Variants in TNK2 observed in about 807,000 individuals in gnomAD.
TNK2 encodes the protein tyrosine kinase non receptor 2, also known as activated CDC42 kinase 1.
A neutral mutation model predicts 101.8 loss-of-function variants in TNK2; 83 were observed. The observed-to-expected ratio is 0.82, with a 90% CI of 0.68 to 0.98. The LOEUF is 0.98. TNK2 is among the 50% of genes least tolerant of loss of function. TNK2 has a pLI of 0.00. For synonymous variants in TNK2, 804 were observed against 633.0 expected, an observed-to-expected ratio of 1.27 and a Z score of -4.06; for missense variants, 1,665 against 1,483.2, an observed-to-expected ratio of 1.12 and a Z score of -2.01.
At chr3:195,871,438 T>A (rs756293701) in intron 10 of TNK2, among the ~76,000 whole-genome samples, 6 of 151,844 alleles carry the variant, frequency 4.0e-5, no homozygotes, top group Non-Finnish European at 7.4e-5. Context: ...CCTGCATACA[T>A]CCCCAGGGCC....
chr3:195,885,291 A>C lies in TNK2; in HGVS notation c.235-258T>G. 1.6e-6 allele frequency: 2 copies of C among 1,278,276 alleles called. No homozygotes were observed. Among genetic ancestry groups the C allele is most frequent in the South Asian group, 1.5e-5 (1 of 64,612 alleles). The allele number at this position is 1,278,276 out of a possible 1,614,324, so 79.2% of individuals were successfully genotyped here. On this transcript the variant is annotated intron_variant, in intron 3 of 15. Coordinates refer to ENST00000672887, the MANE Select transcript of TNK2 (RefSeq NM_001382273.1). The surrounding 1 kb of genome is among the most constrained non-coding windows in gnomAD (Gnocchi z 4.7). ...CCGACAGGCATGCAGCCTGTGGCTG[A>C]GCGGCCCCACACCCAGCTGTGTGGA...
Position 195,885,003 on chromosome 3 carries a change from A to G in TNK2, c.265T>C (p.Phe89Leu), listed in dbSNP as rs1371845894. The G allele has an allele frequency of 6.2e-7, 1 of 1,607,276 alleles. No homozygotes were observed. ...GTGCTCTGAGAGTGATGAGGTGGGA[A>G]CTCAGCCTCCAGTCGCTTTCCACTG... ...VFSGKRLEAE[F>L]PPHHSQSTFR... is the part of the protein sequence containing the mutation. The change falls in exon 4 of 16, where the codon TTC (phenylalanine) becomes CTC (leucine). Residue 89 changes from phenylalanine (F) to leucine (L), a missense_variant. By Grantham distance (22) the Phe-to-Leu change is conservative. Transcript: ENST00000672887. The surrounding 1 kb of genome is among the most constrained non-coding windows in gnomAD (Gnocchi z 4.7).
intron 1 of TNK2, chr3:195,895,477 CGGCG>C: frequency 1.5e-6 from 2 of 1,369,882 alleles, no homozygotes; most frequent in Non-Finnish European, 1.9e-6. Flanking sequence ...CGCCATCGGC[CGGCG>C]GCCGGGTGGT....
rs555042125 is a variant in TNK2, at chr3:195,895,999, C to T, written c.-18-7393G>A. The T allele has an allele frequency of 1.9e-5, 7 of 367,154 alleles. No individual in the cohort carries two copies. In the East Asian group the frequency reaches 1.0e-3, roughly 54 times the overall value. 22.7% of individuals were successfully genotyped at this position (367,154 alleles called of 1,614,324 possible). On this transcript the variant is annotated intron_variant, in intron 1 of 15. Transcript: ENST00000672887. ...GCCCCGAGGCCCCCGCGGCCGGTTC[C>T]CCGCGCGCCACTCCCGCAACGCCGC...
Position 195,869,340 on chromosome 3 carries a change from G to T in TNK2, c.1588+157C>A, listed in dbSNP as rs932519286. ...GCTCCGGGGGGCGGGCTCGAGGGGG[G>T]GCAGGCATGCTAGGCCAGGGCAGCC... On this transcript the variant is annotated intron_variant, in intron 12 of 15. Coordinates refer to ENST00000672887, the MANE Select transcript of TNK2 (RefSeq NM_001382273.1). 5 of 778,120 alleles carry T rather than the reference G, an allele frequency of 6.4e-6. No homozygotes were observed. The East Asian group carries it at 1.1e-4, about 17-fold the overall frequency. 48.2% of individuals were successfully genotyped at this position (778,120 alleles called of 1,614,324 possible). A position where few individuals can be genotyped will look rare whatever the true frequency, so the allele number is the denominator to read the frequency against.
intron 1 of TNK2, among the ~76,000 whole-genome samples, chr3:195,889,430 C>T (rs1757457060): frequency 6.6e-6 from 1 of 152,208 alleles, no homozygotes; most frequent in African/African-American, 2.4e-5. Context: ...CCACGAATCT[C>T]ATTCCCTCCC....
At chr3:195,880,708 T>A (rs1451993600) in intron 6 of TNK2, among the ~76,000 whole-genome samples, 7 of 83,852 alleles carry the variant, frequency 8.3e-5, no homozygotes, top group Admixed American at 2.5e-4. Context: ...ACAGCATCTA[T>A]CCCTGTAACA....
chr3:195,885,380 T>G lies in TNK2; in HGVS notation c.235-347A>C. The G allele has an allele frequency of 9.0e-7, 1 of 1,111,638 alleles. No homozygotes were observed. The allele number at this position is 1,111,638 out of a possible 1,614,324, so 68.9% of individuals were successfully genotyped here. On this transcript the variant is annotated intron_variant, in intron 3 of 15. Coordinates refer to ENST00000672887, the MANE Select transcript of TNK2 (RefSeq NM_001382273.1). The surrounding 1 kb of genome is among the most constrained non-coding windows in gnomAD (Gnocchi z 4.7). ...CCAGTCCTGCCCCACCCTCCCTTCCTGCACCCGCCACCCCGCAGACTCCAG... is the reference window on the plus strand; with the variant it reads ...CCAGTCCTGCCCCACCCTCCCTTCCGGCACCCGCCACCCCGCAGACTCCAG...
intron 15 of TNK2, 99 bp downstream of exon 15, chr3:195,866,790 G>C (rs1433393028): frequency 6.7e-6 from 10 of 1,494,384 alleles, no homozygotes; most frequent in African/African-American, 2.8e-5. Flanking sequence ...CTCCCTGGCC[G>C]GGAGCGGCCT....
At chr3:195,872,130 G>C in intron 10 of TNK2, 146 bp downstream of exon 10, 2 of 935,768 alleles carry the variant, frequency 2.1e-6, no homozygotes, top group South Asian at 1.7e-5. Flanking sequence ...CGAGAGTAAG[G>C]CCAGGGTGAG....
Position 195,867,226 on chromosome 3 carries a change from G to C in TNK2, c.2976C>G (p.Cys992Trp). The C allele has an allele frequency of 6.2e-7, 1 of 1,613,016 alleles. No homozygotes were observed. The highest frequency in any genetic ancestry group is 8.5e-7 in the Non-Finnish European group (1 of 1,179,918). The stretch of plus-strand genomic sequence containing the variant: ...AGCCGTGGCACTGCAGGGCCGCCTG[G>C]CACTCCTCTGTGGTCACCCCATGCA... Reference protein sequence around the residue: ...AMVHGVTTEECQAALQCHGWS... With the variant: ...AMVHGVTTEEWQAALQCHGWS... The change falls in exon 14 of 16, where the codon TGC becomes TGG. Residue 992 changes from cysteine to tryptophan, a missense_variant. Physicochemically the swap from Cys to Trp is radical, Grantham distance 215. Coordinates refer to ENST00000672887, the MANE Select transcript of TNK2 (RefSeq NM_001382273.1).
intron 15 of TNK2, among the ~76,000 whole-genome samples, chr3:195,866,297 T>C (rs1018036710): frequency 6.6e-6 from 1 of 152,052 alleles, no homozygotes; most frequent in Non-Finnish European, 1.5e-5. Flanking sequence ...GCCTCCCAGG[T>C]TGAAGCGATT....
intron 6 of TNK2, among the ~76,000 whole-genome samples, chr3:195,880,341 T>C (rs534798295): frequency 2.0e-5 from 3 of 152,256 alleles, no homozygotes; most frequent in African/African-American, 7.2e-5. Flanking sequence ...CCTGATGTTT[T>C]AGGAAACCTT....
chr3:195,900,871 C>A (rs139132927), intron 1 of TNK2, among the ~76,000 whole-genome samples: 1 of 152,350 alleles, frequency 6.6e-6, no homozygotes, highest in Non-Finnish European at 1.5e-5. Flanking sequence ...CGTCATCCTG[C>A]CTGCTGCCAG....
At position 195,882,605 on chromosome 3, in the gene TNK2, C is replaced by T; in HGVS notation, c.610-277G>A. 7.5e-7 allele frequency: 1 copy of T among 1,338,212 alleles called. No homozygotes were observed. The highest frequency in any genetic ancestry group is 1.0e-6 in the Non-Finnish European group (1 of 992,502). 82.9% of individuals were successfully genotyped at this position (1,338,212 alleles called of 1,614,324 possible). A position where few individuals can be genotyped will look rare whatever the true frequency, so the allele number is the denominator to read the frequency against. ...GGACGTGGTGGCTCACGCCTGTAAT[C>T]CCAGCACTTTGGGAGGCCGAGGTGG... On this transcript the variant is annotated intron_variant, in intron 5 of 15. Coordinates refer to ENST00000672887, the MANE Select transcript of TNK2 (RefSeq NM_001382273.1). The surrounding 1 kb of genome is among the most constrained non-coding windows in gnomAD (Gnocchi z 4.2).
chr3:195,877,712 C>T (rs957116431), intron 9 of TNK2, among the ~76,000 whole-genome samples: 2 of 152,038 alleles, frequency 1.3e-5, no homozygotes, highest in South Asian at 4.2e-4. Context: ...TCCCGAGAGG[C>T]TGTGGGAGGA....
At chr3:195,879,003 GA>G in intron 7 of TNK2, 45 bp downstream of exon 7, 1 of 1,601,352 alleles carries the variant, frequency 6.2e-7, no homozygotes, top group East Asian at 2.2e-5. Context: ...GCAGGGAATG[GA>G]ATTCACCCCA....
intron 9 of TNK2, among the ~76,000 whole-genome samples, chr3:195,874,435 C>T (rs73205792): frequency 0.019 from 2,905 of 152,352 alleles, 36 homozygotes; most frequent in Non-Finnish European, 0.031. Context: ...CTCGAGAAAA[C>T]ATGCTTGCTC....
Position 195,878,632 on chromosome 3 carries a change from C to T in TNK2, c.1015-40G>A, listed in dbSNP as rs371600347. Reference sequence around the variant, plus strand: ...GTGCAGAGTTTGACGACAAACAGAGCGCCCAGCCCTTCACTTCCCGCCTTC... The same window carrying T: ...GTGCAGAGTTTGACGACAAACAGAGTGCCCAGCCCTTCACTTCCCGCCTTC... On this transcript the variant is annotated intron_variant, in intron 7 of 15. Coordinates refer to ENST00000672887, the MANE Select transcript of TNK2 (RefSeq NM_001382273.1). This position sits in a 1 kb window ranked among gnomAD's most constrained non-coding sequence, Gnocchi z 4.7. The T allele has an allele frequency of 2.4e-5, 38 of 1,594,728 alleles. No individual in the cohort carries two copies. In the African/African-American group the frequency reaches 3.6e-4, roughly 15 times the overall value.
Sources: allele counts gnomAD v4.1 joint callset (sites outside exome capture counted in the v4.1 genomes callset), GRCh38; gene constraint gnomAD v4.1.1; non-coding constraint Gnocchi (gnomAD v3.1); transcripts MANE v1.5; gene names NCBI Gene and HGNC (gene_info 2026-07-23, HGNC 2026-07-21).